The following SUGCT variants were observed in gnomAD, a reference collection of about 807,000 sequenced individuals.
SUGCT encodes succinyl-CoA:glutarate CoA-transferase.
Under a neutral mutation model 55.0 loss-of-function variants are expected in SUGCT, and 41 were observed. The observed-to-expected ratio is 0.74, with a 90% CI of 0.58 to 0.97. The LOEUF (loss-of-function observed/expected upper bound fraction) is 0.97. SUGCT is among the 50% of genes least tolerant of loss of function. The probability of loss-of-function intolerance (pLI) is 0.00; values close to 1 mark genes in which losing one functional copy is unlikely to be tolerated. For synonymous variants in SUGCT, 187 were observed against 200.4 expected (o/e 0.93, Z 0.56); for missense variants, 568 against 547.8 (o/e 1.04, Z -0.37).
rs185736289 is a variant in SUGCT, at chr7:40,487,153, C to T, written c.987-9131C>T. Among the ~76,000 whole-genome samples, 334 of 138,198 alleles carry T rather than the reference C, an allele frequency of 2.4e-3. 9 individuals are homozygous for T. Among genetic ancestry groups the T allele is most frequent in the Non-Finnish European group, 2.7e-4 (18 of 66,082 alleles). The allele number at this position is 138,198 out of a possible 152,430, so 90.7% of individuals were successfully genotyped here. On this transcript the variant is annotated intron_variant, in intron 11 of 13. Transcript: ENST00000335693. ...AGGCTGGAGTGCAATGGCACGATCT[C>T]GGCTCACTGCAATCTCCACCGCCCA...
At chr7:40,684,649 T>C (rs1784391226) in intron 12 of SUGCT, among the ~76,000 whole-genome samples, 1 of 152,200 alleles carries the variant, frequency 6.6e-6, no homozygotes, top group South Asian at 2.1e-4. Flanking sequence ...TTCTGTTCCA[T>C]GGACAATGAG....
intron 12 of SUGCT, among the ~76,000 whole-genome samples, chr7:40,695,694 CAG>C (rs1562950917): frequency 6.6e-6 from 1 of 151,964 alleles, no homozygotes; most frequent in Non-Finnish European, 1.5e-5. Flanking sequence ...TCCATTAAGA[CAG>C]AATTTTTTAG....
chr7:40,439,062 G>GTATATATA (rs1491138302), intron 9 of SUGCT, among the ~76,000 whole-genome samples: 1 of 47,036 alleles, frequency 2.1e-5, no homozygotes, highest in African/African-American at 6.3e-5. Context: ...TATATATATG[G>GTATATATA]TGTATATATA....
chr7:40,591,803 A>G (rs886137858), intron 12 of SUGCT, among the ~76,000 whole-genome samples: 3 of 152,210 alleles, frequency 2.0e-5, no homozygotes, highest in African/African-American at 7.2e-5. Context: ...ATTTTTTAGC[A>G]ATAAAATATT....
At chr7:40,508,287 C>T (rs1466342240) in intron 12 of SUGCT, among the ~76,000 whole-genome samples, 1 of 152,156 alleles carries the variant, frequency 6.6e-6, no homozygotes. Flanking sequence ...AACCCCGGTG[C>T]CTTGGCCTGC....
intron 7 of SUGCT, among the ~76,000 whole-genome samples, chr7:40,262,495 CAAAAAA>C (rs67739412): frequency 8.2e-6 from 1 of 122,044 alleles, no homozygotes; most frequent in African/African-American, 3.3e-5. Context: ...ACCGAAAATA[CAAAAAA>C]AAAAAAAAAA....
intron 3 of SUGCT, among the ~76,000 whole-genome samples, chr7:40,187,957 G>A (rs1785630353): frequency 6.6e-6 from 1 of 151,890 alleles, no homozygotes; most frequent in African/African-American, 2.4e-5. Context: ...TTGAAGTCAG[G>A]AGTTTGAGAT....
At chr7:40,746,282 C>T (rs781246990) in intron 12 of SUGCT, among the ~76,000 whole-genome samples, 13 of 152,136 alleles carry the variant, frequency 8.5e-5, no homozygotes, top group Non-Finnish European at 1.8e-4. Context: ...TCCAAGATTC[C>T]AAGTCATTAG....
intron 12 of SUGCT, among the ~76,000 whole-genome samples, chr7:40,636,322 A>G (rs1254787264): frequency 3.9e-5 from 6 of 152,082 alleles, no homozygotes; most frequent in African/African-American, 1.4e-4. Flanking sequence ...TGACCTCTAC[A>G]TGTGGCTGCT....
At chr7:40,354,988 C>T (rs1476408020) in intron 9 of SUGCT, among the ~76,000 whole-genome samples, 1 of 152,070 alleles carries the variant, frequency 6.6e-6, no homozygotes, top group Non-Finnish European at 1.5e-5. Flanking sequence ...TCATTCTGAG[C>T]CTTTACCTCG....
At chr7:40,237,822 A>C in intron 7 of SUGCT, 96 bp downstream of exon 7, 1 of 952,760 alleles carries the variant, frequency 1.0e-6, no homozygotes. Context: ...ATGAGTTGTT[A>C]GGTTGGGGCA....
intron 1 of SUGCT, among the ~76,000 whole-genome samples, chr7:40,159,949 A>G (rs929096982): frequency 2.6e-5 from 4 of 152,166 alleles, no homozygotes; most frequent in East Asian, 1.9e-4. Context: ...GTGTGTTTCT[A>G]TATCTATTTT....
the SUGCT span, among the ~76,000 whole-genome samples, chr7:40,899,648 C>G: frequency 6.6e-6 from 1 of 151,582 alleles, no homozygotes; most frequent in Non-Finnish European, 1.5e-5. Context: ...TTCCAGGACT[C>G]TTTCCTACTT....
At chr7:41,007,176 A>G in the SUGCT span, among the ~76,000 whole-genome samples, 13 of 152,056 alleles carry the variant, frequency 8.5e-5, no homozygotes, top group Non-Finnish European at 1.3e-4. Context: ...AACTTTGATG[A>G]CAATAAAACA....
chr7:40,972,297 C>T, the SUGCT span, among the ~76,000 whole-genome samples: 3 of 152,296 alleles, frequency 2.0e-5, no homozygotes, highest in Admixed American at 6.5e-5. Flanking sequence ...TTTTACGAAA[C>T]AATCATCATA....
intron 11 of SUGCT, among the ~76,000 whole-genome samples, chr7:40,466,261 C>A (rs1790104718): frequency 6.6e-6 from 1 of 152,162 alleles, no homozygotes; most frequent in Non-Finnish European, 1.5e-5. Flanking sequence ...ATGCACCTCC[C>A]ACCTTGTCAG....
chr7:40,936,009 G>A, the SUGCT span, among the ~76,000 whole-genome samples: 6,116 of 152,012 alleles, frequency 0.04, 141 homozygotes, highest in South Asian at 0.073. Flanking sequence ...GTATTATACC[G>A]TTTTCATGTG....
chr7:40,295,485 C>T (rs989392935), intron 8 of SUGCT, among the ~76,000 whole-genome samples: 4 of 151,968 alleles, frequency 2.6e-5, no homozygotes, highest in South Asian at 2.1e-4. Flanking sequence ...CTGAGGCAGG[C>T]GAATCACTTG....
intron 9 of SUGCT, among the ~76,000 whole-genome samples, chr7:40,362,630 T>C (rs1022653040): frequency 9.9e-5 from 15 of 152,202 alleles, no homozygotes; most frequent in African/African-American, 3.6e-4. Flanking sequence ...AATGATTATA[T>C]CCAACAGAGA....
Sources: gnomAD v4.1 joint callset for allele counts (sites outside exome capture counted in the v4.1 genomes callset) on GRCh38, gnomAD v4.1.1 for gene constraint, MANE v1.5 for transcripts, NCBI Gene and HGNC (gene_info 2026-07-23, HGNC 2026-07-21) for gene names.